Variants in AP2A2 observed in about 807,000 individuals in gnomAD.
AP2A2 encodes AP-2 complex subunit alpha-2.
Under a neutral mutation model 104.2 loss-of-function variants are expected in AP2A2, and 32 were observed. That is an observed-to-expected ratio of 0.31 (90% CI 0.23 to 0.41). The LOEUF (loss-of-function observed/expected upper bound fraction) is 0.41, where lower values mean the gene tolerates loss of function less well. Among genes scored for constraint, AP2A2 ranks in the 10% least tolerant of loss-of-function variants. The pLI is 1.00. For missense variants in AP2A2, 912 were observed against 1,261.0 expected, an observed-to-expected ratio of 0.72 and a Z score of 4.19; for synonymous variants, 539 against 533.3, an observed-to-expected ratio of 1.01 and a Z score of -0.15.
In AP2A2 at chr11:1,010,726, C is replaced by A; in HGVS notation, c.*101C>A. On this transcript the variant is annotated 3_prime_UTR_variant, in exon 22 of 22. Transcript: ENST00000448903. ...CAGATGAGCACCGTGTCCAGTGCCA[C>A]AGCACAAGGCGCCTCCCCGCCCCGC... 1 of 1,001,076 alleles carries A rather than the reference C, an allele frequency of 1.0e-6. No individual in the cohort carries two copies. Among genetic ancestry groups the A allele is most frequent in the Non-Finnish European group, 1.5e-6 (1 of 649,460 alleles). The allele number at this position is 1,001,076 out of a possible 1,614,324, so 62.0% of individuals were successfully genotyped here.
intron 14 of AP2A2, among the ~76,000 whole-genome samples, chr11:997,777 T>C (rs1273727580): frequency 6.6e-6 from 1 of 152,116 alleles, no homozygotes; most frequent in South Asian, 2.1e-4. Flanking sequence ...TGGTGGTGTG[T>C]GCCTGTAATC....
chr11:933,685 C>A (rs1386057249), intron 1 of AP2A2: 1 of 455,710 alleles, frequency 2.2e-6, no homozygotes, highest in Non-Finnish European at 4.4e-6. Flanking sequence ...AGTGAGATGC[C>A]CAGCACCAGG....
Position 970,042 on chromosome 11 carries a change from G to A in AP2A2, c.137-127G>A, listed in dbSNP as rs115959579. 2.2e-4 allele frequency: 213 copies of A among 972,108 alleles called. No individual in the cohort carries two copies. In the African/African-American group the frequency reaches 3.3e-3, roughly 15 times the overall value. 60.2% of individuals were successfully genotyped at this position (972,108 alleles called of 1,614,324 possible). On this transcript the variant is annotated intron_variant, in intron 2 of 21. Transcript: ENST00000448903. ...GCAGCGTCTGCACTGCACCTGCCTG[G>A]GCCCGGCCACCCCTCTCCTGGAGGC...
chr11:978,436 A>G (rs1855127026), intron 5 of AP2A2, among the ~76,000 whole-genome samples: 1 of 152,162 alleles, frequency 6.6e-6, no homozygotes, highest in African/African-American at 2.4e-5. Flanking sequence ...CTCCTTGGAT[A>G]CTTTATGATT....
intron 17 of AP2A2, chr11:1,007,705 G>C: frequency 4.4e-6 from 2 of 450,010 alleles, no homozygotes; most frequent in South Asian, 2.5e-5. Flanking sequence ...TTCTGCTAAC[G>C]GTGACAAAAA....
chr11:936,234 A>C (rs781164864), intron 1 of AP2A2, among the ~76,000 whole-genome samples: 1 of 119,112 alleles, frequency 8.4e-6, no homozygotes, highest in Non-Finnish European at 1.7e-5. Flanking sequence ...TTTTTTAAAG[A>C]TATAGGGTCT....
At chr11:950,583 G>A (rs6597967) in intron 1 of AP2A2, among the ~76,000 whole-genome samples, 1 of 151,772 alleles carries the variant, frequency 6.6e-6, no homozygotes, top group African/African-American at 2.4e-5. Context: ...CACTGTGCCC[G>A]GTCTGGAATA....
chr11:947,886 G>A (rs1346152303), intron 1 of AP2A2, among the ~76,000 whole-genome samples: 2 of 152,188 alleles, frequency 1.3e-5, no homozygotes, highest in African/African-American at 4.8e-5. Flanking sequence ...TAGCCTGGGA[G>A]TTTGAGGTGC....
At chr11:965,733 T>C (rs1854592835) in intron 2 of AP2A2, among the ~76,000 whole-genome samples, 1 of 152,242 alleles carries the variant, frequency 6.6e-6, no homozygotes. Context: ...GCACCTGCCA[T>C]GCTAGTGGGA....
chr11:985,023 GC>G (rs1490573111), intron 7 of AP2A2, among the ~76,000 whole-genome samples: 2 of 152,160 alleles, frequency 1.3e-5, no homozygotes, highest in African/African-American at 4.8e-5. Flanking sequence ...TCCCTTTGTT[GC>G]CCAGGCTGGA....
At chr11:940,885 C>T (rs1351874593) in intron 1 of AP2A2, 1 of 456,224 alleles carries the variant, frequency 2.2e-6, no homozygotes, top group East Asian at 6.9e-5. Flanking sequence ...CGACTCTCTT[C>T]TCTTGCTTGG....
chr11:991,134 A>G (rs1294451858), intron 10 of AP2A2, among the ~76,000 whole-genome samples: 1 of 150,964 alleles, frequency 6.6e-6, no homozygotes, highest in African/African-American at 2.4e-5. Context: ...TCAGCCGGGT[A>G]TGGTGCTCCC....
chr11:1,010,640 G>A lies in AP2A2; in HGVS notation c.*15G>A. Reference sequence around the variant, plus strand: ...CGCAGTTTTAGTCCTGAGGATGGAAGACCAGGCTCGTGTGTCTTGTGTTGT... The same window carrying A: ...CGCAGTTTTAGTCCTGAGGATGGAAAACCAGGCTCGTGTGTCTTGTGTTGT... On this transcript the variant is annotated 3_prime_UTR_variant, in exon 22 of 22. Transcript: ENST00000448903. The A allele has an allele frequency of 6.4e-7, 1 of 1,573,954 alleles. No individual in the cohort carries two copies. The highest frequency in any genetic ancestry group is 1.2e-5 in the South Asian group (1 of 85,920).
intron 17 of AP2A2, 58 bp from the exon 18 acceptor site, chr11:1,007,954 G>T (rs1303203194): frequency 5.2e-6 from 8 of 1,550,218 alleles, no homozygotes; most frequent in Admixed American, 3.9e-5. Context: ...GCTCTAGCCC[G>T]GCCCGTTTCC....
At chr11:984,559 C>G in intron 6 of AP2A2, 86 bp from the exon 7 acceptor site, 3 of 1,126,810 alleles carry the variant, frequency 2.7e-6, no homozygotes, top group Non-Finnish European at 4.0e-6. Context: ...AGGCGTGACC[C>G]GAGGAGTGAG....
At chr11:930,571 A>G (rs1180568836) in intron 1 of AP2A2, among the ~76,000 whole-genome samples, 1 of 151,260 alleles carries the variant, frequency 6.6e-6, no homozygotes, top group Admixed American at 6.6e-5. Context: ...CCCAGGCTGG[A>G]GTGCAGTGGC....
chr11:972,685 G>C (rs909670527), intron 4 of AP2A2, among the ~76,000 whole-genome samples: 1 of 152,220 alleles, frequency 6.6e-6, no homozygotes, highest in African/African-American at 2.4e-5. Context: ...GCGACAGAGC[G>C]AGACCCTGTC....
At chr11:940,332 G>T (rs1429534840) in intron 1 of AP2A2, among the ~76,000 whole-genome samples, 1 of 152,138 alleles carries the variant, frequency 6.6e-6, no homozygotes, top group Non-Finnish European at 1.5e-5. Flanking sequence ...TGTCTTTTGG[G>T]CTCTAGTGGA....
At chr11:958,166 A>G (rs541912270) in intron 1 of AP2A2, among the ~76,000 whole-genome samples, 30 of 152,348 alleles carry the variant, frequency 2.0e-4, no homozygotes, top group Non-Finnish European at 3.4e-4. Flanking sequence ...TGTAAGAGGA[A>G]GAGAGAGCGT....
Sources: gnomAD v4.1 joint callset for allele counts (sites outside exome capture counted in the v4.1 genomes callset) on GRCh38, gnomAD v4.1.1 for gene constraint, MANE v1.5 for transcripts, NCBI Gene and HGNC (gene_info 2026-07-23, HGNC 2026-07-21) for gene names.